NHSL1: variants seen among roughly 807,000 people sequenced by gnomAD.
NHSL1 encodes NHS-like protein 1.
In NHSL1, 48 loss-of-function variants were observed where a neutral mutation model predicts 95.0. That is an observed-to-expected ratio of 0.51 (90% CI 0.40 to 0.64). The LOEUF (loss-of-function observed/expected upper bound fraction) is 0.64, where lower values mean the gene tolerates loss of function less well. Ranked by LOEUF, NHSL1 falls within the 30% of genes least tolerant of loss-of-function variation. NHSL1 has a pLI of 0.00. For missense variants in NHSL1, 1,971 were observed against 2,077.7 expected (o/e 0.95, Z 1.00); for synonymous variants, 783 against 833.9 (o/e 0.94, Z 1.05).
At chr6:138,468,518 G>A (rs914173488) in intron 3 of NHSL1, among the ~76,000 whole-genome samples, 1 of 152,134 alleles carries the variant, frequency 6.6e-6, no homozygotes, top group Non-Finnish European at 1.5e-5. Flanking sequence ...TCATAGGAGC[G>A]CAAACCCTAT....
Position 138,424,251 on chromosome 6 carries a change from A to T in NHSL1, c.4651T>A (p.Ser1551Thr). ...TCCTCCCTCGCCAGTCCGTCCAGGG[A>T]ACATCCCTCCGCAGCGCCCAGAGCC... is the stretch of plus-strand genomic sequence containing the variant. ...RGALGAAEGC[S>T]LDGLAREEMD... is the part of the protein sequence containing the mutation. The change falls in exon 8 of 8, where the codon TCC becomes ACC. Residue 1551 changes from serine (S) to threonine (T), a missense_variant. Around this residue, in one of 3 missense-constraint regions of NHSL1, gnomAD observed 223 missense variants for 217.0 expected, o/e 1.03. Coordinates refer to ENST00000343505, the MANE Select transcript of NHSL1 (RefSeq NM_001144060.2). The surrounding 1 kb of genome is among the most constrained non-coding windows in gnomAD (Gnocchi z 5.9). The T allele has an allele frequency of 6.6e-7, 1 of 1,505,280 alleles. No individual in the cohort carries two copies. The highest frequency in any genetic ancestry group is 1.3e-5 in the South Asian group (1 of 77,532). The allele number at this position is 1,505,280 out of a possible 1,614,324, so 93.2% of individuals were successfully genotyped here.
At chr6:138,617,126 C>A (rs1227421236) in intron 1 of NHSL1, among the ~76,000 whole-genome samples, 1 of 152,140 alleles carries the variant, frequency 6.6e-6, no homozygotes, top group African/African-American at 2.4e-5. Context: ...CTGGGTAGGG[C>A]AACTCAAGTA....
chr6:138,658,134 C>T (rs1420054098), intron 1 of NHSL1, among the ~76,000 whole-genome samples: 1 of 152,100 alleles, frequency 6.6e-6, no homozygotes, highest in Non-Finnish European at 1.5e-5. Flanking sequence ...CTCTCCACCT[C>T]CTCCTCTGCC....
chr6:138,664,955 C>A (rs1366104497), intron 1 of NHSL1, among the ~76,000 whole-genome samples: 1 of 152,024 alleles, frequency 6.6e-6, no homozygotes, highest in African/African-American at 2.4e-5. Context: ...CAGCTTTATT[C>A]AAATGAAAAA....
chr6:138,622,958 C>CTA (rs1160798040), intron 1 of NHSL1, among the ~76,000 whole-genome samples: 1 of 152,010 alleles, frequency 6.6e-6, no homozygotes, highest in East Asian at 1.9e-4. Flanking sequence ...ACAGTGAATT[C>CTA]TAAGCAAAGA....
chr6:138,597,052 T>C (rs1784311319), intron 1 of NHSL1, among the ~76,000 whole-genome samples: 1 of 151,998 alleles, frequency 6.6e-6, no homozygotes, highest in Admixed American at 6.6e-5. Flanking sequence ...TCCCAGATAC[T>C]CAGGAGGCTG....
rs1775078366 is a variant in NHSL1 at position 138,424,046 on chromosome 6, C to T, written c.*35G>A. On this transcript the variant is annotated 3_prime_UTR_variant, in exon 8 of 8. Coordinates refer to ENST00000343505, the MANE Select transcript of NHSL1 (RefSeq NM_001144060.2). The surrounding 1 kb of genome is among the most constrained non-coding windows in gnomAD (Gnocchi z 5.9). ...CCTAGAGTGCTGCATTGCTCGTCTC[C>T]CCCCGTGTCACCTGGGAGAGTTACG... is the stretch of plus-strand genomic sequence containing the variant. The T allele has an allele frequency of 3.0e-6, 4 of 1,355,424 alleles. No homozygotes were observed. The highest frequency in any genetic ancestry group is 6.6e-5 in the Admixed American group (2 of 30,290). The allele number at this position is 1,355,424 out of a possible 1,614,324, so 84.0% of individuals were successfully genotyped here. A position where few individuals can be genotyped will look rare whatever the true frequency, so the allele number is the denominator to read the frequency against.
intron 1 of NHSL1, among the ~76,000 whole-genome samples, chr6:138,667,221 G>A (rs893460233): frequency 1.3e-5 from 2 of 152,156 alleles, no homozygotes; most frequent in African/African-American, 4.8e-5. Flanking sequence ...TGCAACCCCA[G>A]CTACAGCTCT....
intron 1 of NHSL1, among the ~76,000 whole-genome samples, chr6:138,677,549 T>C (rs559178720): frequency 1.0e-3 from 158 of 152,314 alleles, no homozygotes; most frequent in African/African-American, 3.6e-3. Context: ...TGTTGCACGA[T>C]AATGAAGCGT....
chr6:138,497,200 C>T lies in NHSL1; in HGVS notation c.59-829G>A, dbSNP rs74681534. Among the ~76,000 whole-genome samples, 292 of 152,246 alleles carry T rather than the reference C, an allele frequency of 1.9e-3. 2 individuals carry two copies. The East Asian group carries it at 0.02, about 10-fold the overall frequency. ...CTCTAGTTCATTTTTCCTGACAACA[C>T]GAGCTAAGTTGGGGCATCAGTGGAG... On this transcript the variant is annotated intron_variant, in intron 1 of 7. Transcript: ENST00000343505.
chr6:138,529,711 G>A (rs1782056662), intron 1 of NHSL1, among the ~76,000 whole-genome samples: 1 of 152,166 alleles, frequency 6.6e-6, no homozygotes, highest in South Asian at 2.1e-4. Context: ...GCCAGCAACA[G>A]CGTACTGACT....
At position 138,442,057 on chromosome 6, in the gene NHSL1, A is replaced by G. The variant is rs779920828; in HGVS notation, c.590T>C (p.Leu197Pro). Residue 197 changes from leucine to proline, a missense_variant, in exon 5 of 8, where the codon CTG (leucine) becomes CCG (proline). Transcript: ENST00000343505. The stretch of plus-strand genomic sequence containing the variant: ...TTTGACTTTCTTCGGTCGTCTTACC[A>G]GAGTGTCTGTGTAAATTAGAGACCG... ...LRRSLIYTDT[L>P]VRRPKKVKRR... 33 of 1,551,424 alleles carry G rather than the reference A, an allele frequency of 2.1e-5. No individual in the cohort carries two copies. In the East Asian group the frequency reaches 2.9e-4, roughly 14 times the overall value.
intron 1 of NHSL1, among the ~76,000 whole-genome samples, chr6:138,644,627 G>T (rs941047101): frequency 1.3e-5 from 2 of 152,202 alleles, no homozygotes; most frequent in African/African-American, 2.4e-5. Flanking sequence ...CACAGGCATT[G>T]CTGTGTTATT....
chr6:138,572,726 G>A (rs1424409782), upstream of NHSL1, among the ~76,000 whole-genome samples: 4 of 152,214 alleles, frequency 2.6e-5, no homozygotes, highest in African/African-American at 9.6e-5. Context: ...GAACTTTAGC[G>A]CAGCTAGGGG....
intron 1 of NHSL1, among the ~76,000 whole-genome samples, chr6:138,665,835 T>C (rs1460867140): frequency 6.6e-6 from 1 of 152,186 alleles, no homozygotes; most frequent in Non-Finnish European, 1.5e-5. Context: ...ATTTTCCCAC[T>C]GAATTAACCA....
intron 1 of NHSL1, among the ~76,000 whole-genome samples, chr6:138,679,421 G>A (rs999107477): frequency 2.0e-5 from 3 of 152,198 alleles, no homozygotes; most frequent in Non-Finnish European, 4.4e-5. Flanking sequence ...TAGCTATGAT[G>A]ATACACAGAA....
At chr6:138,518,775 T>C (rs1199770994) in intron 1 of NHSL1, among the ~76,000 whole-genome samples, 2 of 152,158 alleles carry the variant, frequency 1.3e-5, no homozygotes, top group Admixed American at 6.5e-5. Context: ...CCCAGCACTT[T>C]AGGAGGCCAA....
At chr6:138,577,448 G>C (rs1250596416), upstream of NHSL1, among the ~76,000 whole-genome samples, 1 of 152,202 alleles carries the variant, frequency 6.6e-6, no homozygotes, top group Non-Finnish European at 1.5e-5. Context: ...GAAATCAATG[G>C]GAAAACACGG....
chr6:138,491,204 T>C (rs1013703410), intron 2 of NHSL1, among the ~76,000 whole-genome samples: 1 of 152,198 alleles, frequency 6.6e-6, no homozygotes, highest in Admixed American at 6.5e-5. Flanking sequence ...ACATTTCTGA[T>C]GCCAACAACA....
Sources: allele counts gnomAD v4.1 joint callset (sites outside exome capture counted in the v4.1 genomes callset), GRCh38; gene constraint gnomAD v4.1.1; regional missense constraint gnomAD v4.1.1; non-coding constraint Gnocchi (gnomAD v3.1); transcripts MANE v1.5; gene names NCBI Gene and HGNC (gene_info 2026-07-23, HGNC 2026-07-21).